The following LRRC37A2 variants were observed in gnomAD, a reference collection of about 807,000 sequenced individuals.
LRRC37A2 encodes the protein leucine-rich repeat-containing protein 37A2.
A neutral mutation model predicts 68.8 loss-of-function variants in LRRC37A2; 9 were observed. That is an observed-to-expected ratio of 0.13 (90% confidence interval 0.08 to 0.23). The LOEUF is 0.23. Among genes scored for constraint, LRRC37A2 ranks in the 10% least tolerant of loss-of-function variants. The probability of loss-of-function intolerance (pLI) is 1.00; values close to 1 mark genes in which losing one functional copy is unlikely to be tolerated. For synonymous variants in LRRC37A2, 63 were observed against 367.6 expected, an observed-to-expected ratio of 0.17 and a Z score of 9.48; for missense variants, 168 against 950.4, an observed-to-expected ratio of 0.18 and a Z score of 10.82.
the LRRC37A2 span, among the ~76,000 whole-genome samples, chr17:46,829,435 G>A: frequency 6.6e-6 from 1 of 152,208 alleles, no homozygotes; most frequent in South Asian, 2.1e-4. Context: ...CTCCCAAAGT[G>A]CTGGGATTAC....
At chr17:47,005,466 G>T in the LRRC37A2 span, among the ~76,000 whole-genome samples, 1 of 152,130 alleles carries the variant, frequency 6.6e-6, no homozygotes, top group African/African-American at 2.4e-5. Flanking sequence ...TTTTTTGAGG[G>T]TTAAATGGGA....
At chr17:46,873,086 TCACACACACACACACACACA>T in the LRRC37A2 span, among the ~76,000 whole-genome samples, 17 of 139,820 alleles carry the variant, frequency 1.2e-4, no homozygotes, top group African/African-American at 3.5e-4. Context: ...CTCTGCCTCT[TCACACACACACACACACACA>T]CACACACACA....
the LRRC37A2 span, chr17:46,948,671 G>C: frequency 6.6e-6 from 1 of 152,234 alleles, no homozygotes; most frequent in Non-Finnish European, 1.5e-5. Context: ...AGTATGCGCA[G>C]GGCTGCAAGG....
At chr17:46,816,119 A>ACACACACGCACGCACG in the LRRC37A2 span, among the ~76,000 whole-genome samples, 129 of 150,666 alleles carry the variant, frequency 8.6e-4, no homozygotes, top group African/African-American at 2.9e-3. Context: ...ACGTACACAC[A>ACACACACGCACGCACG]CACACACACA....
At chr17:46,715,038 C>T in the LRRC37A2 span, among the ~76,000 whole-genome samples, 20 of 152,296 alleles carry the variant, frequency 1.3e-4, 1 homozygote, top group East Asian at 3.3e-3. Flanking sequence ...AAAATGTAAG[C>T]TTGAGAAGCT....
the LRRC37A2 span, among the ~76,000 whole-genome samples, chr17:47,038,707 G>T: frequency 4.3e-4 from 2 of 4,684 alleles, no homozygotes; most frequent in African/African-American, 2.2e-4. Context: ...ATTTTTTTTT[G>T]TTTTGGGACA....
chr17:46,501,985 C>T, the LRRC37A2 span, among the ~76,000 whole-genome samples: 13 of 151,318 alleles, frequency 8.6e-5, no homozygotes, highest in South Asian at 2.1e-4. Context: ...AACTTTTGGA[C>T]GATGATGTGT....
At chr17:46,935,063 T>C in the LRRC37A2 span, 10 of 1,611,924 alleles carry the variant, frequency 6.2e-6, no homozygotes, top group African/African-American at 2.7e-5. Context: ...GACGAATCAC[T>C]GCAGTTTAAC....
At chr17:46,814,401 A>G in the LRRC37A2 span, among the ~76,000 whole-genome samples, 1 of 152,114 alleles carries the variant, frequency 6.6e-6, no homozygotes, top group South Asian at 2.1e-4. Flanking sequence ...TCGGCCACCA[A>G]TTTTGCTCCC....
the LRRC37A2 span, among the ~76,000 whole-genome samples, chr17:46,791,740 G>A: frequency 5.3e-5 from 8 of 152,232 alleles, no homozygotes; most frequent in Non-Finnish European, 1.0e-4. Flanking sequence ...ACGTTGTGTA[G>A]AAAAGATAAA....
the LRRC37A2 span, among the ~76,000 whole-genome samples, chr17:46,986,157 C>T: frequency 2.0e-5 from 3 of 152,152 alleles, no homozygotes; most frequent in Non-Finnish European, 4.4e-5. Context: ...ATGCGGGATT[C>T]AGCATTTATC....
the LRRC37A2 span, chr17:46,818,454 G>T: frequency 6.6e-7 from 1 of 1,521,030 alleles, no homozygotes; most frequent in Non-Finnish European, 8.9e-7. Context: ...CCCAGCCGGC[G>T]CCCCCACCTT....
chr17:46,879,752 C>T, the LRRC37A2 span, among the ~76,000 whole-genome samples: 1 of 152,260 alleles, frequency 6.6e-6, no homozygotes, highest in Non-Finnish European at 1.5e-5. Context: ...CTGGATACCA[C>T]TGTGAGCCCA....
chr17:46,812,873 TAAG>T, the LRRC37A2 span, among the ~76,000 whole-genome samples: 1 of 152,126 alleles, frequency 6.6e-6, no homozygotes, highest in African/African-American at 2.4e-5. Context: ...GGTATCATTC[TAAG>T]AAGTATTCAC....
the LRRC37A2 span, among the ~76,000 whole-genome samples, chr17:46,568,135 C>T: frequency 8.4e-6 from 1 of 118,912 alleles, no homozygotes; most frequent in Non-Finnish European, 1.7e-5. Context: ...CTAATGGATA[C>T]AAAGTTTCTG....
chr17:46,991,701 T>C, the LRRC37A2 span, among the ~76,000 whole-genome samples: 3 of 152,186 alleles, frequency 2.0e-5, no homozygotes, highest in African/African-American at 7.2e-5. Flanking sequence ...TCCTAGAAGG[T>C]TTAGCTTCAT....
chr17:46,980,664 T>TAAAAAAAAAAAAAAAAAAA, the LRRC37A2 span, among the ~76,000 whole-genome samples: 1 of 14,818 alleles, frequency 6.7e-5, no homozygotes, highest in African/African-American at 1.2e-4. Context: ...CTACTAAAAA[T>TAAAAAAAAAAAAAAAAAAA]ACAAAAAAAA....
the LRRC37A2 span, among the ~76,000 whole-genome samples, chr17:46,782,132 C>T: frequency 6.6e-6 from 1 of 152,376 alleles, no homozygotes; most frequent in Non-Finnish European, 1.5e-5. Context: ...GGCCAAGTCT[C>T]CCCAAGTCAT....
the LRRC37A2 span, among the ~76,000 whole-genome samples, chr17:46,800,080 T>C: frequency 6.6e-6 from 1 of 152,134 alleles, no homozygotes; most frequent in Non-Finnish European, 1.5e-5. Context: ...AGGAGTCTGA[T>C]TCCTGGGCCA....
Sources: gnomAD v4.1 joint callset for allele counts (sites outside exome capture counted in the v4.1 genomes callset) on GRCh38, gnomAD v4.1.1 for gene constraint, MANE v1.5 for transcripts, NCBI Gene and HGNC (gene_info 2026-07-23, HGNC 2026-07-21) for gene names.